Variants in RPS17 observed in about 807,000 individuals in gnomAD.
RPS17 encodes the protein ribosomal protein S17.
For synonymous variants in RPS17, 75 were observed against 65.6 expected, an observed-to-expected ratio of 1.14 and a Z score of -0.70; for missense variants, 68 against 182.3, an observed-to-expected ratio of 0.37 and a Z score of 3.61.
chr15:82,539,945 C>T, intron 2 of RPS17, 36 bp downstream of exon 2: 4 of 1,612,040 alleles, frequency 2.5e-6, no homozygotes, highest in Non-Finnish European at 3.4e-6. Context: ...ACAAACAGAT[C>T]GCGGAGCCCC....
chr15:82,539,202 G>A (rs2034296185), intron 2 of RPS17: 1 of 679,204 alleles, frequency 1.5e-6, no homozygotes, highest in Non-Finnish European at 2.7e-6. Context: ...TCTCCTTCAT[G>A]ATGATCAAGC....
intron 3 of RPS17, 122 bp from the exon 4 acceptor site, chr15:82,538,493 C>G: frequency 8.8e-7 from 1 of 1,138,074 alleles, no homozygotes; most frequent in Non-Finnish European, 1.3e-6. Flanking sequence ...GCATTCCTCT[C>G]ACAAGGTGAG....
intron 4 of RPS17, chr15:82,537,636 G>A (rs922160572): frequency 0.042 from 14,980 of 357,092 alleles, 451 homozygotes; most frequent in Middle Eastern, 0.069. Context: ...TCAGCGCAGT[G>A]GTTATTTCAG....
Position 82,536,840 on chromosome 15 carries a change from T to C in RPS17, c.369A>G (p.Thr123=). Residue 123 remains threonine, a synonymous_variant, in exon 5 of 5, where the codon ACA becomes ACG. Transcript: ENST00000647841. ...GAGGCGTTTTGAAATTCATCCCAAC[T>C]GTAGGCTGAGTGACCTGAAGGTTGG... ...SLSNLQVTQP[T]VGMNFKTPRG... 2.5e-6 allele frequency: 4 copies of C among 1,613,940 alleles called. No homozygotes were observed. Among genetic ancestry groups the C allele is most frequent in the South Asian group, 1.1e-5 (1 of 91,074 alleles).
chr15:82,539,596 T>C (rs2034306817), intron 2 of RPS17: 1 of 412,948 alleles, frequency 2.4e-6, no homozygotes, highest in African/African-American at 2.1e-5. Flanking sequence ...GGCTGAGGCA[T>C]GACAATCGCT....
Position 82,536,841 on chromosome 15 carries a change from G to A in RPS17, c.368C>T (p.Thr123Ile), listed in dbSNP as rs2034247646. 2.5e-6 allele frequency: 4 copies of A among 1,613,996 alleles called. No individual in the cohort carries two copies. The highest frequency in any genetic ancestry group is 3.4e-6 in the Non-Finnish European group (4 of 1,179,878). Residue 123 changes from threonine (T) to isoleucine (I), a missense_variant, in exon 5 of 5, where the codon ACA (threonine) becomes ATA (isoleucine). Transcript: ENST00000647841. The part of the protein sequence containing the change: ...SLSNLQVTQP[T>I]VGMNFKTPRG... Reference sequence around the variant, plus strand: ...AGGCGTTTTGAAATTCATCCCAACTGTAGGCTGAGTGACCTGAAGGTTGGA... The same window carrying A: ...AGGCGTTTTGAAATTCATCCCAACTATAGGCTGAGTGACCTGAAGGTTGGA...
intron 2 of RPS17, chr15:82,539,575 G>C (rs2034306318): frequency 1.2e-5 from 5 of 423,880 alleles, no homozygotes; most frequent in African/African-American, 2.0e-5. Flanking sequence ...TCTAATCCCA[G>C]CTACTGGGAA....
chr15:82,539,413 C>T, intron 2 of RPS17: 1 of 460,908 alleles, frequency 2.2e-6, no homozygotes, highest in Non-Finnish European at 4.3e-6. Flanking sequence ...TCCAGCCGGG[C>T]GAGGTGGCTC....
Position 82,536,783 on chromosome 15 carries a change from C to A in RPS17, c.*18G>T. 2 of 1,613,738 alleles carry A rather than the reference C, an allele frequency of 1.2e-6. No homozygotes were observed. The highest frequency in any genetic ancestry group is 4.5e-5 in the East Asian group (2 of 44,878). ...TGTCCCAGATTTATTGAAAATAATA[C>A]AGCACTACAGAAAAAATTCAAACAG... On this transcript the variant is annotated 3_prime_UTR_variant, in exon 5 of 5. Transcript: ENST00000647841.
In RPS17 at chr15:82,536,820, G is replaced by A. The variant is rs1227643048; in HGVS notation, c.389C>T (p.Thr130Met). ...TQPTVGMNFKTPRGPV is the reference protein window; with the variant it reads ...TQPTVGMNFKMPRGPV The stretch of plus-strand genomic sequence containing the variant: ...AAAAATTCAAACAGGTCCCCGAGGC[G>A]TTTTGAAATTCATCCCAACTGTAGG... The change falls in exon 5 of 5, where the codon ACG (threonine) becomes ATG (methionine). Residue 130 changes from threonine (T) to methionine (M), a missense_variant. By Grantham distance (81) the Thr-to-Met change is moderately conservative. Transcript: ENST00000647841. The A allele has an allele frequency of 1.1e-5, 18 of 1,613,884 alleles. No homozygotes were observed. The highest frequency in any genetic ancestry group is 3.3e-5 in the Admixed American group (2 of 59,994).
Position 82,536,873 on chromosome 15 carries a change from G to T in RPS17, c.336C>A (p.Gly112=), listed in dbSNP as rs1235925355. The part of the protein sequence containing the change: ...TKEMLKLLDF[G]SLSNLQVTQP... ...GAGTGACCTGAAGGTTGGACAGACT[G>T]CCGAAGTCCTGGAACGAGAAAATGG... Residue 112 remains glycine (G), a synonymous_variant, in exon 5 of 5, where the codon GGC becomes GGA. Transcript: ENST00000647841. The T allele has an allele frequency of 1.2e-6, 2 of 1,614,008 alleles. No individual in the cohort carries two copies. Among genetic ancestry groups the T allele is most frequent in the African/African-American group, 2.7e-5 (2 of 75,062 alleles).
intron 1 of RPS17, 59 bp from the exon 2 acceptor site, chr15:82,540,191 G>A (rs1316943303): frequency 2.1e-5 from 34 of 1,612,982 alleles, no homozygotes; most frequent in Non-Finnish European, 2.8e-5. Context: ...GGAAGAGTGC[G>A]GCGCCGAGCC....
At chr15:82,539,594 C>A (rs2034306770) in intron 2 of RPS17, 1 of 415,406 alleles carries the variant, frequency 2.4e-6, no homozygotes, top group Non-Finnish European at 4.7e-6. Context: ...AAGGCTGAGG[C>A]ATGACAATCG....
chr15:82,539,380 G>T (rs1468521935), intron 2 of RPS17: 6 of 465,876 alleles, frequency 1.3e-5, no homozygotes, highest in South Asian at 7.7e-5. Context: ...CTGCAACTGT[G>T]AAGTAAGCAT....
At chr15:82,539,885 C>T (rs2034314151) in intron 2 of RPS17, 96 bp downstream of exon 2, 6 of 1,599,994 alleles carry the variant, frequency 3.8e-6, no homozygotes, top group Non-Finnish European at 5.1e-6. Context: ...CTCAGGCTAA[C>T]GAAACCACCA....
chr15:82,540,329 C>T, intron 1 of RPS17, 97 bp downstream of exon 1: 1 of 1,580,866 alleles, frequency 6.3e-7, no homozygotes, highest in Non-Finnish European at 8.6e-7. Flanking sequence ...GGCTCTGCGC[C>T]TTCCCGGCCC....
intron 1 of RPS17, 107 bp downstream of exon 1, chr15:82,540,319 G>C (rs1191086846): frequency 5.1e-6 from 8 of 1,581,758 alleles, no homozygotes; most frequent in Non-Finnish European, 6.9e-6. Context: ...AGCCTGACAG[G>C]GCTCTGCGCC....
chr15:82,540,325 G>A, intron 1 of RPS17, 101 bp downstream of exon 1: 20 of 1,580,116 alleles, frequency 1.3e-5, no homozygotes, highest in African/African-American at 2.7e-5. Flanking sequence ...ACAGGGCTCT[G>A]CGCCTTCCCG....
At chr15:82,537,107 CT>C in intron 4 of RPS17, 1 of 630,554 alleles carries the variant, frequency 1.6e-6, no homozygotes. Flanking sequence ...AACTCTATGA[CT>C]TTTACCCAAT....
Sources: gnomAD v4.1 joint callset for allele counts on GRCh38, gnomAD v4.1.1 for gene constraint, MANE v1.5 for transcripts, NCBI Gene and HGNC (gene_info 2026-07-23, HGNC 2026-07-21) for gene names.